The following CDH17 variants were observed in gnomAD, a reference collection of about 807,000 sequenced individuals.
CDH17 encodes the protein cadherin 17, also known as cadherin-17.
CDH17 carries 67 observed loss-of-function variants against 86.3 expected under a neutral mutation model. The ratio of observed to expected loss-of-function variants is 0.78; its 90% CI spans 0.64 to 0.95. The LOEUF (loss-of-function observed/expected upper bound fraction) is 0.95. Ranked by LOEUF, CDH17 falls within the 40% of genes least tolerant of loss-of-function variation. CDH17 has a pLI of 0.00. For synonymous variants in CDH17, 367 were observed against 366.4 expected (o/e 1.00, Z -0.02); for missense variants, 993 against 1,017.6 (o/e 0.98, Z 0.33).
chr8:94,170,320 C>T, intron 9 of CDH17, 77 bp downstream of exon 9: 1 of 1,483,380 alleles, frequency 6.7e-7, no homozygotes. Context: ...CCAGTAAGGT[C>T]TCCTGCTCAC....
In CDH17 at chr8:94,165,871, T is replaced by C. The variant is rs376221953; in HGVS notation, c.1172A>G (p.Asp391Gly). Residue 391 changes from aspartate to glycine, a missense_variant, in exon 10 of 18, where the codon GAT becomes GGT. Coordinates refer to ENST00000027335, the MANE Select transcript of CDH17 (RefSeq NM_004063.4). ...IVEQTPKLPM[D>G]GLFLIQTYAG... The stretch of plus-strand genomic sequence containing the variant: ...ATAGGTTTGGATTAGGAAGAGTCCA[T>C]CCATGGGAAGTTTGGGAGTTTGCTC... The C allele has an allele frequency of 2.9e-5, 47 of 1,613,670 alleles. No individual in the cohort carries two copies. In the South Asian group the frequency reaches 4.1e-4, roughly 14 times the overall value.
intron 15 of CDH17, among the ~76,000 whole-genome samples, chr8:94,142,910 C>T (rs1812667185): frequency 6.6e-6 from 1 of 152,150 alleles, no homozygotes; most frequent in Admixed American, 6.5e-5. Context: ...CCACTGAAGT[C>T]TTGAACCCCT....
At chr8:94,166,470 A>G (rs1376807352) in intron 9 of CDH17, among the ~76,000 whole-genome samples, 1 of 152,232 alleles carries the variant, frequency 6.6e-6, no homozygotes, top group East Asian at 1.9e-4. Flanking sequence ...CCGAGGTACT[A>G]GGGGTTAGAA....
chr8:94,130,933 A>G lies in CDH17; in HGVS notation c.2227T>C (p.Leu743=). 1 of 1,612,344 alleles carries G rather than the reference A, an allele frequency of 6.2e-7. No individual in the cohort carries two copies. Among genetic ancestry groups the G allele is most frequent in the Non-Finnish European group, 8.5e-7 (1 of 1,178,378 alleles). ...TEFEEREYVV[L]IRINDGGRPP... ...CGACCCCCATCATTGATGCGGATCAAGACGACATACTCCCTCTCCTCAAAC... is the reference window on the plus strand; with the variant it reads ...CGACCCCCATCATTGATGCGGATCAGGACGACATACTCCCTCTCCTCAAAC... Residue 743 remains leucine, a synonymous_variant, in exon 16 of 18, where the codon TTG becomes CTG. Coordinates refer to ENST00000027335, the MANE Select transcript of CDH17 (RefSeq NM_004063.4).
At chr8:94,208,192 T>A (rs929522204) in intron 1 of CDH17, among the ~76,000 whole-genome samples, 1 of 152,224 alleles carries the variant, frequency 6.6e-6, no homozygotes. Flanking sequence ...TGTTTAAACA[T>A]CAGAGAACTC....
chr8:94,137,510 G>T lies in CDH17; in HGVS notation c.2168-6518C>A, dbSNP rs573609757. 3.3e-5 allele frequency among the ~76,000 whole-genome samples: 5 copies of T among 152,252 alleles called. No homozygotes were observed. The South Asian group carries it at 1.0e-3, about 32-fold the overall frequency. On this transcript the variant is annotated intron_variant, in intron 15 of 17. Coordinates refer to ENST00000027335, the MANE Select transcript of CDH17 (RefSeq NM_004063.4). ...GATCTTGGAAAAAGTGCAGTATTTG[G>T]GTGGGAGTGTCCTGTTTTTCCAGGT...
chr8:94,149,038 T>G (rs535284683), intron 13 of CDH17, among the ~76,000 whole-genome samples, 164 bp from the exon 14 acceptor site: 4 of 138,260 alleles, frequency 2.9e-5, no homozygotes, highest in Non-Finnish European at 6.4e-5. Context: ...ACTTGTATAT[T>G]ATTTAAAACA....
At position 94,145,942 on chromosome 8, in the gene CDH17, ACTTCCCAGTCGTTTTGTAAG is replaced by A; in HGVS notation, c.2133_2152del (p.Leu712PhefsTer18). On this transcript the variant is annotated frameshift_variant, in exon 15 of 18. Coordinates refer to ENST00000027335, the MANE Select transcript of CDH17 (RefSeq NM_004063.4). LOFTEE classifies it high-confidence loss of function. ...TGACAACTCACCATTGATTTTGGAAACTTCCCAGTCGTTTTGTAAGCTTCCACTGCCGAGGGAAAATGTAA... is the reference window on the plus strand; with the variant it reads ...TGACAACTCACCATTGATTTTGGAAACTTCCACTGCCGAGGGAAAATGTAA... The A allele has an allele frequency of 6.2e-7, 1 of 1,611,574 alleles. No individual in the cohort carries two copies.
chr8:94,145,958 G>T lies in CDH17; in HGVS notation c.2137C>A (p.Gln713Lys). Reference protein sequence around the residue: ...FTFSLGSGSLQNDWEVSKING... With the variant: ...FTFSLGSGSLKNDWEVSKING... ...ATTTTGGAAACTTCCCAGTCGTTTT[G>T]TAAGCTTCCACTGCCGAGGGAAAAT... The change falls in exon 15 of 18, where the codon CAA becomes AAA. Residue 713 changes from glutamine (Q) to lysine (K), a missense_variant. By Grantham distance (53) the Gln-to-Lys change is moderately conservative (BLOSUM62 1). Coordinates refer to ENST00000027335, the MANE Select transcript of CDH17 (RefSeq NM_004063.4). The T allele has an allele frequency of 6.2e-7, 1 of 1,613,298 alleles. No individual in the cohort carries two copies. The highest frequency in any genetic ancestry group is 8.5e-7 in the Non-Finnish European group (1 of 1,179,670).
At chr8:94,158,973 A>G (rs1445661284) in intron 12 of CDH17, among the ~76,000 whole-genome samples, 1 of 152,144 alleles carries the variant, frequency 6.6e-6, no homozygotes, top group Non-Finnish European at 1.5e-5. Flanking sequence ...CTTCCAGCAC[A>G]CTGCACTGCA....
chr8:94,130,545 G>T, intron 17 of CDH17, 81 bp downstream of exon 17: 1 of 934,672 alleles, frequency 1.1e-6, no homozygotes, highest in Non-Finnish European at 1.6e-6. Flanking sequence ...CACCAGACCA[G>T]TCCAGGAAGA....
At chr8:94,206,311 A>G (rs1002064510) in intron 1 of CDH17, among the ~76,000 whole-genome samples, 2 of 152,214 alleles carry the variant, frequency 1.3e-5, no homozygotes, top group Admixed American at 6.5e-5. Flanking sequence ...GTAGATAGGT[A>G]TTCCCTTAAA....
chr8:94,150,732 A>G (rs1433632105), intron 13 of CDH17, among the ~76,000 whole-genome samples: 1 of 152,144 alleles, frequency 6.6e-6, no homozygotes, highest in African/African-American at 2.4e-5. Context: ...TTTCCCACTG[A>G]TAAACTTTTT....
chr8:94,137,220 C>A (rs1037264030), intron 15 of CDH17, among the ~76,000 whole-genome samples: 15 of 152,176 alleles, frequency 9.9e-5, no homozygotes, highest in Admixed American at 3.9e-4. Flanking sequence ...TATCTGCTAC[C>A]TTTTGTTCAG....
In CDH17 at chr8:94,176,678, A is replaced by C. The variant is rs150728965; in HGVS notation, c.287T>G (p.Val96Gly). The C allele has an allele frequency of 6.2e-7, 1 of 1,610,020 alleles. No individual in the cohort carries two copies. Among genetic ancestry groups the C allele is most frequent in the South Asian group, 1.1e-5 (1 of 90,010 alleles). Reference protein sequence around the residue: ...RETRSTHNLQVAALDANGIIV... With the variant: ...RETRSTHNLQGAALDANGIIV... ...AATTCCATTAGCGTCCAGGGCTGCA[A>C]CCTGATGTTGAGGAAAAGGAAACCA... The change falls in exon 5 of 18, where the codon GTT (valine) becomes GGT (glycine). Residue 96 changes from valine (V) to glycine (G), a missense_variant and splice_region_variant. Coordinates refer to ENST00000027335, the MANE Select transcript of CDH17 (RefSeq NM_004063.4).
At position 94,148,877 on chromosome 8, in the gene CDH17, T is replaced by G; in HGVS notation, c.1797-3A>C. The G allele has an allele frequency of 6.3e-7, 1 of 1,598,178 alleles. No individual in the cohort carries two copies. Among genetic ancestry groups the G allele is most frequent in the Non-Finnish European group, 8.5e-7 (1 of 1,175,466 alleles). On this transcript the variant is annotated splice_region_variant and splice_polypyrimidine_tract_variant and intron_variant, in intron 13 of 17. Transcript: ENST00000027335. The stretch of plus-strand genomic sequence containing the variant: ...TTGTGTCTCCCCTCAGTGAATAGCT[T>G]CATCAAATGAAAAGAGCAAAAGAAA...
chr8:94,146,274 T>C (rs1250036347), intron 14 of CDH17, 107 bp from the exon 15 acceptor site: 6 of 998,008 alleles, frequency 6.0e-6, no homozygotes, highest in Non-Finnish European at 8.2e-6. Context: ...ACTGAGATGC[T>C]AGAAAGACGA....
At chr8:94,129,300 A>G (rs1812364373) in intron 17 of CDH17, among the ~76,000 whole-genome samples, 1 of 152,198 alleles carries the variant, frequency 6.6e-6, no homozygotes, top group South Asian at 2.1e-4. Flanking sequence ...TGGGACCTCA[A>G]AAAGACAGCT....
upstream of CDH17, among the ~76,000 whole-genome samples, chr8:94,212,108 C>T (rs114984035): frequency 5.5e-3 from 836 of 152,314 alleles, 6 homozygotes; most frequent in African/African-American, 0.018. Context: ...AGGACAGAGT[C>T]CATTTTCTGA....
Sources: allele counts gnomAD v4.1 joint callset (sites outside exome capture counted in the v4.1 genomes callset), GRCh38; gene constraint gnomAD v4.1.1; transcripts MANE v1.5; gene names NCBI Gene and HGNC (gene_info 2026-07-23, HGNC 2026-07-21).